The following UGT1A7 variants were observed in gnomAD, a reference collection of about 807,000 sequenced individuals.
The protein encoded by UGT1A7 is UDP-glucuronosyltransferase 1A7.
UGT1A7 carries 33 observed loss-of-function variants against 45.6 expected under a neutral mutation model. The observed-to-expected ratio is 0.72, with a 90% CI of 0.55 to 0.97. The LOEUF (loss-of-function observed/expected upper bound fraction) is 0.97, where lower values mean the gene tolerates loss of function less well. Among genes scored for constraint, UGT1A7 ranks in the 50% least tolerant of loss-of-function variants. UGT1A7 has a pLI of 0.00. For synonymous variants in UGT1A7, 274 were observed against 250.6 expected (o/e 1.09, Z -0.88); for missense variants, 684 against 666.2 (o/e 1.03, Z -0.29).
In UGT1A7 at chr2:233,772,828, C is replaced by A; in HGVS notation, c.*269C>A. ...TTCAGAGGACGTGCAGACAGGCTGG[C>A]ATTCTAGATTACTTTTCTTACTCTG... is the stretch of plus-strand genomic sequence containing the variant. On this transcript the variant is annotated 3_prime_UTR_variant, in exon 5 of 5. Transcript: ENST00000373426. 1.1e-6 allele frequency: 1 copy of A among 921,124 alleles called. No individual in the cohort carries two copies. The highest frequency in any genetic ancestry group is 1.5e-6 in the Non-Finnish European group (1 of 663,786). The allele number at this position is 921,124 out of a possible 1,614,324, so 57.1% of individuals were successfully genotyped here. A position where few individuals can be genotyped will look rare whatever the true frequency, so the allele number is the denominator to read the frequency against.
rs2077428129 is a variant in UGT1A7 at position 233,725,300 on chromosome 2, AGAGGCAGAGGCAGAGGCG to A, written c.856-41733_856-41716del. 1.1e-4 allele frequency among the ~76,000 whole-genome samples: 8 copies of A among 74,572 alleles called. 3 individuals carry two copies. The South Asian group carries it at 4.5e-3, about 42-fold the overall frequency. 48.9% of individuals were successfully genotyped at this position (74,572 alleles called of 152,430 possible). ...CAGAGGCAGAGGCAGAGGCAGAGGCAGAGGCAGAGGCAGAGGCGCCTGGTCAACAATCTTAAGTCCAAT... is the reference window on the plus strand; with the variant it reads ...CAGAGGCAGAGGCAGAGGCAGAGGCACCTGGTCAACAATCTTAAGTCCAAT... On this transcript the variant is annotated intron_variant, in intron 1 of 4. Transcript: ENST00000373426.
chr2:233,771,986 A>T (rs897905900), intron 4 of UGT1A7, among the ~76,000 whole-genome samples: 3 of 152,212 alleles, frequency 2.0e-5, no homozygotes, highest in African/African-American at 7.2e-5. Context: ...ATAGTGGTGC[A>T]TGACTAATTC....
In UGT1A7 at chr2:233,772,647, T is replaced by C. The variant is rs1430291963; in HGVS notation, c.*88T>C. 7 of 1,549,866 alleles carry C rather than the reference T, an allele frequency of 4.5e-6. No homozygotes were observed. In the African/African-American group the frequency reaches 5.5e-5, roughly 12 times the overall value. On this transcript the variant is annotated 3_prime_UTR_variant, in exon 5 of 5. Transcript: ENST00000373426. ...CAGAATCAGTGTTAAATTCATTTTATTCTTATTAAGGAAATACTTTGCATA... is the reference window on the plus strand; with the variant it reads ...CAGAATCAGTGTTAAATTCATTTTACTCTTATTAAGGAAATACTTTGCATA...
intron 1 of UGT1A7, among the ~76,000 whole-genome samples, chr2:233,706,235 G>A (rs2075896552): frequency 6.6e-6 from 1 of 152,250 alleles, no homozygotes; most frequent in African/African-American, 2.4e-5. Flanking sequence ...GTGCAGCTGG[G>A]AGAGTGAGAG....
At chr2:233,715,538 G>A (rs1209390952) in intron 1 of UGT1A7, among the ~76,000 whole-genome samples, 6 of 152,096 alleles carry the variant, frequency 3.9e-5, no homozygotes, top group South Asian at 2.1e-4. Flanking sequence ...TTGGGAGACC[G>A]AGGGAGGAGG....
intron 1 of UGT1A7, among the ~76,000 whole-genome samples, chr2:233,684,208 A>C (rs2125528329): frequency 6.6e-6 from 1 of 152,300 alleles, no homozygotes; most frequent in South Asian, 2.1e-4. Context: ...CAACCAACTC[A>C]TGGGAAAATG....
At chr2:233,745,275 A>G (rs1321529311) in intron 1 of UGT1A7, among the ~76,000 whole-genome samples, 1 of 151,868 alleles carries the variant, frequency 6.6e-6, no homozygotes, top group East Asian at 1.9e-4. Flanking sequence ...GGCCGTGTGT[A>G]TAGCACTGGG....
At chr2:233,694,638 TTTCCAG>T (rs1240951817) in intron 1 of UGT1A7, among the ~76,000 whole-genome samples, 1 of 152,224 alleles carries the variant, frequency 6.6e-6, no homozygotes, top group Admixed American at 6.5e-5. Flanking sequence ...TCAATTTTCT[TTTCCAG>T]TTCCTTTTTT....
rs1209379980 is a variant in UGT1A7, at chr2:233,682,140, G to T, written c.203G>T (p.Arg68Ile). 5.6e-6 allele frequency: 9 copies of T among 1,614,082 alleles called. No homozygotes were observed. Among genetic ancestry groups the T allele is most frequent in the Non-Finnish European group, 7.6e-6 (9 of 1,180,026 alleles). ...CCAGAGGTGAGTTGGCAACTGGGAA[G>T]ATCACTGAATTGCACAGTGAAGACT... ...VMPEVSWQLG[R>I]SLNCTVKTYS... The change falls in exon 1 of 5, where the codon AGA (arginine) becomes ATA (isoleucine). Residue 68 changes from arginine to isoleucine, a missense_variant. By Grantham distance (97) the Arg-to-Ile change is moderately conservative. Transcript: ENST00000373426.
At chr2:233,724,307 C>A (rs2077214825) in intron 1 of UGT1A7, among the ~76,000 whole-genome samples, 1 of 146,936 alleles carries the variant, frequency 6.8e-6, no homozygotes, top group Non-Finnish European at 1.5e-5. Flanking sequence ...CCACCTCCCT[C>A]CCGGACGGGG....
At position 233,768,344 on chromosome 2, in the gene UGT1A7, C is replaced by T. The variant is rs114941320; in HGVS notation, c.1200C>T (p.Arg400=). 1 of 1,614,076 alleles carries T rather than the reference C, an allele frequency of 6.2e-7. No individual in the cohort carries two copies. The highest frequency in any genetic ancestry group is 2.2e-5 in the East Asian group (1 of 44,874). The change falls in exon 4 of 5, where the codon CGC becomes CGT. Residue 400 remains arginine (R), a synonymous_variant. Coordinates refer to ENST00000373426, the MANE Select transcript of UGT1A7 (RefSeq NM_019077.3). ...GTGATCAGATGGACAATGCAAAGCG[C>T]ATGGAGACTAAGGGAGCTGGAGTGA... is the stretch of plus-strand genomic sequence containing the variant. ...LFGDQMDNAK[R]METKGAGVTL...
At chr2:233,753,022 A>G (rs1695114886) in intron 1 of UGT1A7, among the ~76,000 whole-genome samples, 1 of 152,162 alleles carries the variant, frequency 6.6e-6, no homozygotes, top group South Asian at 2.1e-4. Context: ...GTGATTTACA[A>G]CACAAAAAAC....
At chr2:233,740,322 A>G (rs1210904634) in intron 1 of UGT1A7, among the ~76,000 whole-genome samples, 1 of 151,968 alleles carries the variant, frequency 6.6e-6, no homozygotes, top group African/African-American at 2.4e-5. Context: ...ATGAATCTGC[A>G]TTTATTGAGA....
rs1402956787 is a variant in UGT1A7 at position 233,772,421 on chromosome 2, C to T, written c.1455C>T (p.Ser485=). 4.3e-6 allele frequency: 7 copies of T among 1,614,232 alleles called. No individual in the cohort carries two copies. The highest frequency in any genetic ancestry group is 1.6e-4 in the Middle Eastern group (1 of 6,062). ...AHDLTWYQYH[S]LDVIGFLLAV... ...ACCTCACCTGGTACCAGTACCATTC[C>T]TTGGACGTGATTGGTTTCCTCTTGG... Residue 485 remains serine (S), a synonymous_variant, in exon 5 of 5, where the codon TCC becomes TCT. Transcript: ENST00000373426.
intron 1 of UGT1A7, among the ~76,000 whole-genome samples, chr2:233,720,986 C>T (rs931930745): frequency 6.6e-6 from 1 of 151,446 alleles, no homozygotes; most frequent in Admixed American, 6.6e-5. Flanking sequence ...GCTGGGATTA[C>T]AGGCAAGAGC....
chr2:233,706,918 G>A (rs921108992), intron 1 of UGT1A7, among the ~76,000 whole-genome samples: 4 of 152,304 alleles, frequency 2.6e-5, no homozygotes, highest in Admixed American at 1.3e-4. Context: ...AGCTGCCAGA[G>A]TATGAGTCTG....
chr2:233,738,549 T>C (rs577240283), intron 1 of UGT1A7, among the ~76,000 whole-genome samples: 15 of 152,296 alleles, frequency 9.8e-5, no homozygotes, highest in Admixed American at 3.9e-4. Flanking sequence ...GAGTCTCAGA[T>C]AGAGATGAGG....
chr2:233,719,860 C>G (rs995167263), intron 1 of UGT1A7, among the ~76,000 whole-genome samples: 4 of 152,118 alleles, frequency 2.6e-5, no homozygotes, highest in African/African-American at 9.7e-5. Flanking sequence ...TCAGTGGTCA[C>G]TGAGAGGAAG....
chr2:233,768,215 C>T lies in UGT1A7; in HGVS notation c.1076-5C>T. The T allele has an allele frequency of 1.2e-6, 2 of 1,614,186 alleles. No individual in the cohort carries two copies. Among genetic ancestry groups the T allele is most frequent in the Admixed American group, 3.3e-5 (2 of 60,020 alleles). On this transcript the variant is annotated splice_polypyrimidine_tract_variant and splice_region_variant and intron_variant, in intron 3 of 4. Coordinates refer to ENST00000373426, the MANE Select transcript of UGT1A7 (RefSeq NM_019077.3). Reference sequence around the variant, plus strand: ...TGCTGACATCCTCCCTATTTTGCATCTCAGGTCACCCGATGACCCGTGCCT... The same window carrying T: ...TGCTGACATCCTCCCTATTTTGCATTTCAGGTCACCCGATGACCCGTGCCT...
Sources: gnomAD v4.1 joint callset for allele counts (sites outside exome capture counted in the v4.1 genomes callset) on GRCh38, gnomAD v4.1.1 for gene constraint, MANE v1.5 for transcripts, NCBI Gene and HGNC (gene_info 2026-07-23, HGNC 2026-07-21) for gene names.